DCAF5: variants seen among roughly 807,000 people sequenced by gnomAD.
DCAF5 encodes the protein DDB1- and CUL4-associated factor 5.
A neutral mutation model predicts 80.7 loss-of-function variants in DCAF5; 9 were observed. That is an observed-to-expected ratio of 0.11 (90% CI 0.07 to 0.19). The LOEUF (loss-of-function observed/expected upper bound fraction) is 0.19. Among genes scored for constraint, DCAF5 ranks in the 10% least tolerant of loss-of-function variants. DCAF5 has a pLI of 1.00. For missense variants in DCAF5, 842 were observed against 1,205.7 expected (o/e 0.70, Z 4.47); for synonymous variants, 433 against 461.9 (o/e 0.94, Z 0.80).
chr14:69,102,257 CGT>C (rs1490650050), intron 5 of DCAF5, among the ~76,000 whole-genome samples: 4 of 151,650 alleles, frequency 2.6e-5, no homozygotes, highest in Non-Finnish European at 4.4e-5. Flanking sequence ...TACAGGCACA[CGT>C]CACCATGCCC....
intron 5 of DCAF5, among the ~76,000 whole-genome samples, chr14:69,105,916 T>TAG (rs2040126529): frequency 3.9e-5 from 1 of 25,460 alleles, no homozygotes; most frequent in Non-Finnish European, 8.6e-5. Context: ...TAAACTGTCA[T>TAG]ATATATATAT....
chr14:69,083,420 T>A, intron 6 of DCAF5: 1 of 305,000 alleles, frequency 3.3e-6, no homozygotes, highest in South Asian at 3.7e-5. Context: ...CTGATGAAAC[T>A]CCTACGCAAG....
At chr14:69,084,605 G>T in intron 6 of DCAF5, 1 of 873,654 alleles carries the variant, frequency 1.1e-6, no homozygotes, top group Non-Finnish European at 1.8e-6. Flanking sequence ...TTGTCCTTCT[G>T]AAAAGAGATT....
chr14:69,136,189 C>G (rs774471291), intron 1 of DCAF5, among the ~76,000 whole-genome samples: 13 of 148,638 alleles, frequency 8.7e-5, no homozygotes, highest in Admixed American at 2.0e-4. Context: ...AGTCATAGCT[C>G]ACTGCAGCCT....
chr14:69,145,378 C>T (rs1299753266), intron 1 of DCAF5, among the ~76,000 whole-genome samples: 1 of 152,112 alleles, frequency 6.6e-6, no homozygotes, highest in Non-Finnish European at 1.5e-5. Flanking sequence ...ATATTTTATT[C>T]ACGTTAGCTA....
intron 5 of DCAF5, among the ~76,000 whole-genome samples, chr14:69,110,451 G>C (rs2040322291): frequency 1.3e-5 from 2 of 150,706 alleles, no homozygotes; most frequent in South Asian, 4.2e-4. Context: ...TTTTTTTTTA[G>C]TAGAGACAGG....
At chr14:69,095,616 T>C (rs1247013342) in intron 5 of DCAF5, among the ~76,000 whole-genome samples, 2 of 152,070 alleles carry the variant, frequency 1.3e-5, no homozygotes, top group African/African-American at 4.8e-5. Flanking sequence ...AAAAAGAACA[T>C]TTAAAAAAGT....
intron 5 of DCAF5, among the ~76,000 whole-genome samples, chr14:69,109,268 C>T (rs1009688500): frequency 4.0e-5 from 6 of 150,968 alleles, no homozygotes; most frequent in Admixed American, 1.3e-4. Flanking sequence ...GGTGTGAACC[C>T]GGGAGGCAGA....
chr14:69,051,898 C>T lies in DCAF5; in HGVS notation c.*1959G>A, dbSNP rs148548700. Reference sequence around the variant, plus strand: ...AGGATTAAAAAATTCCAATTTAATACATTTTGGAAAAGCAAATGTAAAATG... The same window carrying T: ...AGGATTAAAAAATTCCAATTTAATATATTTTGGAAAAGCAAATGTAAAATG... On this transcript the variant is annotated 3_prime_UTR_variant, in exon 9 of 9. Transcript: ENST00000341516. 18 of 152,616 alleles carry T rather than the reference C, an allele frequency of 1.2e-4. No homozygotes were observed. Among genetic ancestry groups the T allele is most frequent in the Admixed American group, 5.9e-4 (9 of 15,278 alleles). 9.5% of individuals were successfully genotyped at this position (152,616 alleles called of 1,614,324 possible).
Position 69,062,517 on chromosome 14 carries a change from A to G in DCAF5, c.947-6T>C. On this transcript the variant is annotated splice_region_variant and splice_polypyrimidine_tract_variant and intron_variant, in intron 7 of 8. Transcript: ENST00000341516. Reference sequence around the variant, plus strand: ...GACCACCCTACCAATGCCACCTGGGAAAACAGAAGGAAACAAAAATCAGAT... The same window carrying G: ...GACCACCCTACCAATGCCACCTGGGGAAACAGAAGGAAACAAAAATCAGAT... 1 of 1,610,720 alleles carries G rather than the reference A, an allele frequency of 6.2e-7. No homozygotes were observed. Among genetic ancestry groups the G allele is most frequent in the East Asian group, 2.2e-5 (1 of 44,842 alleles).
intron 6 of DCAF5, chr14:69,085,208 C>A: frequency 1.4e-6 from 1 of 717,628 alleles, no homozygotes; most frequent in Non-Finnish European, 2.6e-6. Context: ...CCTCAAGTTG[C>A]TGTCATTGGT....
At chr14:69,147,980 T>C (rs1376523582) in intron 1 of DCAF5, among the ~76,000 whole-genome samples, 1 of 151,838 alleles carries the variant, frequency 6.6e-6, no homozygotes, top group Non-Finnish European at 1.5e-5. Flanking sequence ...ACTGCTAAGA[T>C]GACTTGCACA....
At chr14:69,101,126 C>A (rs1039109737) in intron 5 of DCAF5, among the ~76,000 whole-genome samples, 12 of 152,176 alleles carry the variant, frequency 7.9e-5, no homozygotes, top group African/African-American at 2.7e-4. Flanking sequence ...CCTGACCACA[C>A]AATCAAGCAG....
chr14:69,130,540 C>T (rs2041011089), intron 1 of DCAF5, among the ~76,000 whole-genome samples: 1 of 151,990 alleles, frequency 6.6e-6, no homozygotes, highest in Non-Finnish European at 1.5e-5. Flanking sequence ...TACCACTGAA[C>T]AGTAAGTACA....
At chr14:69,084,305 G>C in intron 6 of DCAF5, 2 of 952,828 alleles carry the variant, frequency 2.1e-6, no homozygotes, top group Non-Finnish European at 3.4e-6. Context: ...GGTCACACCA[G>C]GCTGTCTGCT....
chr14:69,122,859 C>G (rs781705088), intron 1 of DCAF5, among the ~76,000 whole-genome samples: 10 of 130,076 alleles, frequency 7.7e-5, no homozygotes, highest in Non-Finnish European at 1.5e-4. Flanking sequence ...AAGAAATCAC[C>G]TGACTCTTAC....
Position 69,145,919 on chromosome 14 carries a change from T to G in DCAF5, c.214+6846A>C, listed in dbSNP as rs536431730. On this transcript the variant is annotated intron_variant, in intron 1 of 8. Coordinates refer to ENST00000341516, the MANE Select transcript of DCAF5 (RefSeq NM_003861.3). ...CAATGGAAGTGCTCTTATAAACTTA[T>G]GCTCTCTTTGCCTTGATCAATGCAT... Among the ~76,000 whole-genome samples, 10 of 152,374 alleles carry G rather than the reference T, an allele frequency of 6.6e-5. No homozygotes were observed. In the South Asian group the frequency reaches 2.1e-3, roughly 32 times the overall value.
intron 8 of DCAF5, among the ~76,000 whole-genome samples, chr14:69,056,950 CT>C (rs1305652319): frequency 6.6e-6 from 1 of 152,210 alleles, no homozygotes; most frequent in East Asian, 1.9e-4. Context: ...CAGATGTTCT[CT>C]CCTCTCCAGC....
chr14:69,142,781 T>C (rs1147479), intron 1 of DCAF5, among the ~76,000 whole-genome samples: 37,115 of 152,202 alleles, frequency 0.24, 5,880 homozygotes, highest in Middle Eastern at 0.43. Flanking sequence ...CACCTATTTG[T>C]TGACTGAAAT....
Sources: gnomAD v4.1 joint callset for allele counts (sites outside exome capture counted in the v4.1 genomes callset) on GRCh38, gnomAD v4.1.1 for gene constraint, MANE v1.5 for transcripts, NCBI Gene and HGNC (gene_info 2026-07-23, HGNC 2026-07-21) for gene names.